Variants in ZBTB20 observed in about 807,000 individuals in gnomAD.
ZBTB20 encodes the protein zinc finger and BTB domain-containing protein 20.
A neutral mutation model predicts 56.9 loss-of-function variants in ZBTB20; 9 were observed. The observed-to-expected ratio is 0.16, with a 90% confidence interval of 0.10 to 0.28. The LOEUF (loss-of-function observed/expected upper bound fraction) is 0.28, where lower values mean the gene tolerates loss of function less well. ZBTB20 is among the 10% of genes least tolerant of loss of function. The pLI is 1.00. For missense variants in ZBTB20, 655 were observed against 1,003.0 expected (o/e 0.65, Z 4.69); for synonymous variants, 417 against 420.7 (o/e 0.99, Z 0.11).
intron 2 of ZBTB20, among the ~76,000 whole-genome samples, chr3:115,049,821 G>C (rs2081475742): frequency 6.6e-6 from 1 of 152,100 alleles, no homozygotes; most frequent in African/African-American, 2.4e-5. Context: ...AATTACCTCA[G>C]TTGGTACTGG....
At chr3:114,490,728 C>CA (rs1274784760) in intron 7 of ZBTB20, among the ~76,000 whole-genome samples, 10 of 152,100 alleles carry the variant, frequency 6.6e-5, no homozygotes, top group South Asian at 6.2e-4. Context: ...CATATTTTAG[C>CA]AAAAAGATAA....
chr3:114,844,860 C>CTTTTTTT (rs11396350), intron 4 of ZBTB20, among the ~76,000 whole-genome samples: 784 of 129,110 alleles, frequency 6.1e-3, no homozygotes, highest in East Asian at 8.4e-3. Flanking sequence ...TTTTCTTTTT[C>CTTTTTTT]TTTTTTTTTT....
intron 1 of ZBTB20, among the ~76,000 whole-genome samples, chr3:115,123,167 C>G (rs889725538): frequency 1.3e-5 from 2 of 152,122 alleles, no homozygotes; most frequent in African/African-American, 2.4e-5. Flanking sequence ...GATATTTGGT[C>G]AGCAAAGATG....
At chr3:114,692,409 A>G (rs1049153245) in intron 6 of ZBTB20, among the ~76,000 whole-genome samples, 6 of 152,158 alleles carry the variant, frequency 3.9e-5, no homozygotes, top group African/African-American at 1.2e-4. Flanking sequence ...ACAACTATGG[A>G]TTATGCACAA....
At chr3:114,701,618 T>C (rs1218732533) in intron 5 of ZBTB20, among the ~76,000 whole-genome samples, 2 of 152,216 alleles carry the variant, frequency 1.3e-5, no homozygotes, top group Non-Finnish European at 2.9e-5. Flanking sequence ...AGCTGTTAGC[T>C]AACCTGCGTA....
intron 2 of ZBTB20, among the ~76,000 whole-genome samples, chr3:114,998,042 T>C (rs1381725462): frequency 6.6e-6 from 1 of 151,810 alleles, no homozygotes; most frequent in Non-Finnish European, 1.5e-5. Context: ...TAACTATAAA[T>C]AGTGAAATGA....
At chr3:114,773,511 C>A (rs866372693) in intron 5 of ZBTB20, among the ~76,000 whole-genome samples, 13 of 152,218 alleles carry the variant, frequency 8.5e-5, no homozygotes, top group Admixed American at 2.6e-4. Context: ...AAGTAAAATA[C>A]CTCGAGACTA....
At chr3:114,767,186 T>C (rs1266208624) in intron 5 of ZBTB20, among the ~76,000 whole-genome samples, 2 of 152,074 alleles carry the variant, frequency 1.3e-5, no homozygotes, top group Non-Finnish European at 2.9e-5. Context: ...AAATGTTGGC[T>C]TAGATGATGA....
chr3:114,818,626 C>T (rs2073075278), intron 4 of ZBTB20, among the ~76,000 whole-genome samples: 1 of 151,852 alleles, frequency 6.6e-6, no homozygotes, highest in Non-Finnish European at 1.5e-5. Context: ...TAAAAGTCAA[C>T]GTCCATTCCT....
intron 6 of ZBTB20, among the ~76,000 whole-genome samples, chr3:114,567,388 T>C (rs1559969986): frequency 6.6e-6 from 1 of 152,148 alleles, no homozygotes; most frequent in Non-Finnish European, 1.5e-5. Context: ...TACTATAGCA[T>C]GTTAAAATCC....
chr3:115,100,742 G>C (rs1389992838), intron 1 of ZBTB20, among the ~76,000 whole-genome samples: 1 of 152,138 alleles, frequency 6.6e-6, no homozygotes, highest in African/African-American at 2.4e-5. Context: ...CATATAAGCA[G>C]GAAATAGTGA....
intron 6 of ZBTB20, among the ~76,000 whole-genome samples, chr3:114,614,162 T>C (rs2057754196): frequency 1.3e-5 from 2 of 152,190 alleles, no homozygotes; most frequent in African/African-American, 4.8e-5. Flanking sequence ...TTGGAGCTTA[T>C]AGATGTCTAC....
chr3:114,978,538 A>C (rs1307509155), intron 2 of ZBTB20, among the ~76,000 whole-genome samples: 1 of 151,610 alleles, frequency 6.6e-6, no homozygotes, highest in Non-Finnish European at 1.5e-5. Flanking sequence ...CTTAGAAAAC[A>C]GGTTATAAAA....
chr3:114,905,922 G>A (rs923794225), intron 3 of ZBTB20, among the ~76,000 whole-genome samples: 3 of 151,800 alleles, frequency 2.0e-5, no homozygotes, highest in African/African-American at 7.2e-5. Context: ...AACCAATTAT[G>A]TGGTTCTTAT....
intron 7 of ZBTB20, among the ~76,000 whole-genome samples, chr3:114,479,329 T>G (rs2041256837): frequency 6.6e-6 from 1 of 152,186 alleles, no homozygotes; most frequent in Non-Finnish European, 1.5e-5. Context: ...AATAGAAGTA[T>G]GTTGCTACTT....
intron 7 of ZBTB20, among the ~76,000 whole-genome samples, chr3:114,448,280 G>GAAA (rs111894767): frequency 6.9e-6 from 1 of 144,558 alleles, no homozygotes; most frequent in East Asian, 2.0e-4. Context: ...AATTCAAGAG[G>GAAA]AAAAAAAAAA....
At chr3:114,808,283 T>C (rs1296388326) in intron 4 of ZBTB20, among the ~76,000 whole-genome samples, 1 of 152,030 alleles carries the variant, frequency 6.6e-6, no homozygotes, top group Non-Finnish European at 1.5e-5. Flanking sequence ...CAATGACAAT[T>C]GAGGTCAACC....
intron 5 of ZBTB20, among the ~76,000 whole-genome samples, chr3:114,750,037 T>C (rs2067441859): frequency 6.6e-6 from 1 of 152,174 alleles, no homozygotes; most frequent in Non-Finnish European, 1.5e-5. Context: ...AGCAATACTC[T>C]TTAGAGATTT....
intron 5 of ZBTB20, among the ~76,000 whole-genome samples, chr3:114,769,462 G>T (rs1300287815): frequency 6.7e-6 from 1 of 148,236 alleles, no homozygotes; most frequent in Non-Finnish European, 1.5e-5. Context: ...GTATCTATTT[G>T]CACCTGGTAA....
Sources: gnomAD v4.1 joint callset for allele counts (sites outside exome capture counted in the v4.1 genomes callset) on GRCh38, gnomAD v4.1.1 for gene constraint, MANE v1.5 for transcripts, NCBI Gene and HGNC (gene_info 2026-07-23, HGNC 2026-07-21) for gene names.